Variants in CTNNA1 observed in about 807,000 individuals in gnomAD.
CTNNA1 encodes the protein catenin alpha-1.
Under a neutral mutation model 98.4 loss-of-function variants are expected in CTNNA1, and 37 were observed. The ratio of observed to expected loss-of-function variants is 0.38; its 90% CI spans 0.29 to 0.49. The LOEUF is 0.49. CTNNA1 is among the 20% of genes least tolerant of loss of function. CTNNA1 has a pLI of 0.95. For synonymous variants in CTNNA1, 404 were observed against 413.2 expected (o/e 0.98, Z 0.27); for missense variants, 761 against 1,147.2 (o/e 0.66, Z 4.86).
At chr5:138,863,937 A>G (rs551185527) in intron 7 of CTNNA1, among the ~76,000 whole-genome samples, 1 of 152,276 alleles carries the variant, frequency 6.6e-6, no homozygotes. Flanking sequence ...GTCCACTAGA[A>G]TGCAGTCTGA....
At chr5:138,788,908 C>T (rs972894241) in intron 3 of CTNNA1, among the ~76,000 whole-genome samples, 3 of 152,226 alleles carry the variant, frequency 2.0e-5, no homozygotes, top group African/African-American at 7.2e-5. Flanking sequence ...ATTGCTACTT[C>T]TGTAGCTTCT....
chr5:138,932,267 C>T (rs1765523000), intron 16 of CTNNA1: 2 of 1,146,242 alleles, frequency 1.7e-6, no homozygotes. Flanking sequence ...GTGAGGGGAT[C>T]CTTGGCCAGG....
intron 10 of CTNNA1, among the ~76,000 whole-genome samples, chr5:138,915,769 C>A (rs1761599045): frequency 6.6e-6 from 1 of 152,154 alleles, no homozygotes; most frequent in African/African-American, 2.4e-5. Context: ...CATGAGTGAA[C>A]TTTGAAAACA....
rs901416573 is a variant in CTNNA1, at chr5:138,866,141, G to T, written c.1063-20071G>T. Among the ~76,000 whole-genome samples, 8 of 152,196 alleles carry T rather than the reference G, an allele frequency of 5.3e-5. No homozygotes were observed. In the East Asian group the frequency reaches 1.4e-3, roughly 26 times the overall value. ...CCTGGGCAACACATGGTGAAACTCT[G>T]TCTCTACCAAAAATGCAAAAATTAG... On this transcript the variant is annotated intron_variant, in intron 7 of 17. Transcript: ENST00000302763.
chr5:138,901,908 A>T (rs1758121922), intron 9 of CTNNA1, among the ~76,000 whole-genome samples: 1 of 152,126 alleles, frequency 6.6e-6, no homozygotes, highest in African/African-American at 2.4e-5. Context: ...GCATTTGCAC[A>T]TTTGTCATTG....
In CTNNA1 at chr5:138,782,030, G is replaced by GT; in HGVS notation, c.105+2dup. 1 of 1,607,396 alleles carries GT rather than the reference G, an allele frequency of 6.2e-7. No homozygotes were observed. ...ACTGTTGGAGCCTCTTGTTACACAGGTAAGAATCTGAAAACACAAATACAT... is the reference window on the plus strand; with the variant it reads ...ACTGTTGGAGCCTCTTGTTACACAGGTTAAGAATCTGAAAACACAAATACAT... On this transcript the variant is annotated splice_donor_variant, in intron 2 of 17. Transcript: ENST00000302763. LOFTEE classifies it high-confidence loss of function.
At chr5:138,771,210 AT>A (rs1273713902) in intron 1 of CTNNA1, among the ~76,000 whole-genome samples, 95 of 145,378 alleles carry the variant, frequency 6.5e-4, no homozygotes, top group Non-Finnish European at 5.6e-4. Flanking sequence ...GGTTGGCTGA[AT>A]TTTTTTTTTT....
intron 4 of CTNNA1, 103 bp from the exon 5 acceptor site, chr5:138,812,080 T>C (rs1187232432): frequency 2.0e-5 from 21 of 1,054,956 alleles, no homozygotes; most frequent in Non-Finnish European, 2.9e-5. Context: ...TTTGGGTTGC[T>C]TTTTGAGTAG....
chr5:138,830,123 C>G (rs1161993432), intron 7 of CTNNA1, among the ~76,000 whole-genome samples: 1 of 151,048 alleles, frequency 6.6e-6, no homozygotes, highest in Non-Finnish European at 1.5e-5. Flanking sequence ...GCCAAGATCA[C>G]GCCACTGCAC....
At chr5:138,855,607 C>T (rs1763662053) in intron 7 of CTNNA1, among the ~76,000 whole-genome samples, 1 of 152,132 alleles carries the variant, frequency 6.6e-6, no homozygotes, top group African/African-American at 2.4e-5. Context: ...TGGCACTTGC[C>T]AGGAGGTGTT....
intron 7 of CTNNA1, among the ~76,000 whole-genome samples, chr5:138,842,144 T>C (rs2149819768): frequency 6.6e-6 from 1 of 152,248 alleles, no homozygotes; most frequent in East Asian, 1.9e-4. Context: ...TATAAAAATA[T>C]TAAGAATTAG....
chr5:138,854,665 A>G (rs1177130315), intron 7 of CTNNA1, among the ~76,000 whole-genome samples: 2 of 152,198 alleles, frequency 1.3e-5, no homozygotes, highest in Non-Finnish European at 2.9e-5. Context: ...TTAGAAAAAC[A>G]TTTCCCAGTA....
At chr5:138,869,041 A>G (rs1765079516) in intron 7 of CTNNA1, 1 of 139,912 alleles carries the variant, frequency 7.1e-6, no homozygotes, top group South Asian at 2.2e-4. Flanking sequence ...CCCTCAACCC[A>G]TCTGCCCACC....
chr5:138,812,718 T>A (rs1758965594), intron 5 of CTNNA1, among the ~76,000 whole-genome samples: 1 of 152,220 alleles, frequency 6.6e-6, no homozygotes, highest in South Asian at 2.1e-4. Context: ...GCCCCGTGTC[T>A]TGTTACTTTT....
At chr5:138,905,089 G>T (rs1181471822) in intron 10 of CTNNA1, among the ~76,000 whole-genome samples, 1 of 115,640 alleles carries the variant, frequency 8.6e-6, no homozygotes, top group Non-Finnish European at 1.7e-5. Flanking sequence ...GCAAGACTCC[G>T]TCTCAAAAAA....
intron 5 of CTNNA1, among the ~76,000 whole-genome samples, chr5:138,816,725 G>T (rs925034533): frequency 6.6e-6 from 1 of 151,468 alleles, no homozygotes; most frequent in Admixed American, 6.6e-5. Context: ...TTTTAAGACA[G>T]AGTTTTAGTG....
chr5:138,797,742 A>C (rs1435256526), intron 3 of CTNNA1, among the ~76,000 whole-genome samples: 1 of 152,124 alleles, frequency 6.6e-6, no homozygotes, highest in Non-Finnish European at 1.5e-5. Context: ...TTTCTTTTGT[A>C]GTATACTGTA....
chr5:138,789,326 A>G lies in CTNNA1; in HGVS notation c.301+5954A>G, dbSNP rs1010598150. On this transcript the variant is annotated intron_variant, in intron 3 of 17. Coordinates refer to ENST00000302763, the MANE Select transcript of CTNNA1 (RefSeq NM_001903.5). ...GAGCTTGCACTGGATCTTGAAAGGT[A>G]GAAAAAGGGAGCAGGAGGAAACTCA... 3.3e-5 allele frequency among the ~76,000 whole-genome samples: 5 copies of G among 152,224 alleles called. No homozygotes were observed. The East Asian group carries it at 9.6e-4, about 29-fold the overall frequency.
chr5:138,799,684 G>T (rs1757347969), intron 3 of CTNNA1, among the ~76,000 whole-genome samples: 1 of 151,252 alleles, frequency 6.6e-6, no homozygotes, highest in Non-Finnish European at 1.5e-5. Flanking sequence ...TTTTTAGCTG[G>T]GGGCTTATTT....
Sources: allele counts gnomAD v4.1 joint callset (sites outside exome capture counted in the v4.1 genomes callset), GRCh38; gene constraint gnomAD v4.1.1; transcripts MANE v1.5; gene names NCBI Gene and HGNC (gene_info 2026-07-23, HGNC 2026-07-21).